Variants in LRP11 observed in about 807,000 individuals in gnomAD.
LRP11 encodes low-density lipoprotein receptor-related protein 11.
LRP11 carries 25 observed loss-of-function variants against 43.1 expected under a neutral mutation model. That is an observed-to-expected ratio of 0.58 (90% CI 0.42 to 0.81). The LOEUF (loss-of-function observed/expected upper bound fraction) is 0.81. Among genes scored for constraint, LRP11 ranks in the 30% least tolerant of loss-of-function variants. The pLI, the probability that LRP11 is intolerant of heterozygous loss-of-function variation, is 0.00. For synonymous variants in LRP11, 316 were observed against 299.4 expected (o/e 1.06, Z -0.57); for missense variants, 623 against 665.1 (o/e 0.94, Z 0.70).
chr6:149,836,296 C>T lies in LRP11; in HGVS notation c.1041G>A (p.Leu347=). The T allele has an allele frequency of 6.2e-7, 1 of 1,613,994 alleles. No individual in the cohort carries two copies. Among genetic ancestry groups the T allele is most frequent in the South Asian group, 1.1e-5 (1 of 91,064 alleles). The change falls in exon 5 of 7, where the codon CTG becomes CTA. Residue 347 remains leucine, a splice_region_variant and synonymous_variant. Coordinates refer to ENST00000239367, the MANE Select transcript of LRP11 (RefSeq NM_032832.6). ...DGSDEDFCQN[L]GLDRKMVTHT... ...GGGTTACCATCTTGCGGTCCAGGCC[C>T]ACTGAAGTGTGGAAGAGCTACTGTT...
At position 149,863,449 on chromosome 6, in the gene LRP11, T is replaced by C; in HGVS notation, c.572A>G (p.Asp191Gly). 1 of 1,323,826 alleles carries C rather than the reference T, an allele frequency of 7.6e-7. No individual in the cohort carries two copies. The highest frequency in any genetic ancestry group is 9.6e-7 in the Non-Finnish European group (1 of 1,045,156). 82.0% of individuals were successfully genotyped at this position (1,323,826 alleles called of 1,614,324 possible). The change falls in exon 1 of 7, where the codon GAC becomes GGC. Residue 191 changes from aspartate (D) to glycine (G), a missense_variant. Coordinates refer to ENST00000239367, the MANE Select transcript of LRP11 (RefSeq NM_032832.6). ...GCGCGCGGTGGCCAGGGCGGCGCCGTCCGGCGCGCGGCTGAGGCTGTAGCT... is the reference window on the plus strand; with the variant it reads ...GCGCGCGGTGGCCAGGGCGGCGCCGCCCGGCGCGCGGCTGAGGCTGTAGCT... ...YSSYSLSRAP[D>G]GAALATARAS...
At chr6:149,838,369 C>A (rs1776500047) in intron 3 of LRP11, among the ~76,000 whole-genome samples, 1 of 151,980 alleles carries the variant, frequency 6.6e-6, no homozygotes, top group African/African-American at 2.4e-5. Flanking sequence ...TAGTTATGGG[C>A]TGGCATGAAT....
chr6:149,859,867 CCTTT>C (rs1157494994), intron 1 of LRP11, among the ~76,000 whole-genome samples: 14 of 151,974 alleles, frequency 9.2e-5, no homozygotes, highest in Admixed American at 3.3e-4. Flanking sequence ...AAGTTTACTT[CCTTT>C]AAGTTTTTTT....
At chr6:149,842,920 A>G (rs1776570625) in intron 3 of LRP11, 63 bp downstream of exon 3, 1 of 1,595,032 alleles carries the variant, frequency 6.3e-7, no homozygotes, top group Non-Finnish European at 8.6e-7. Flanking sequence ...CCAGAGGACA[A>G]AGCGCCAACC....
chr6:149,863,666 G>T lies in LRP11; in HGVS notation c.355C>A (p.Arg119=), dbSNP rs898247037. The change falls in exon 1 of 7, where the codon CGG becomes AGG. Residue 119 remains arginine, a synonymous_variant. Transcript: ENST00000239367. ...CAGCCCCGCACGGCCGCCGGCGCCC[G>T]CAGGAAGCTGGCACCCGCCGCCAGG... ...DSLAAGASFL[R]APAAVRGWRQ... is the part of the protein sequence containing the mutation. The T allele has an allele frequency of 6.8e-7, 1 of 1,472,900 alleles. No homozygotes were observed. The highest frequency in any genetic ancestry group is 8.9e-7 in the Non-Finnish European group (1 of 1,118,806). The allele number at this position is 1,472,900 out of a possible 1,614,324, so 91.2% of individuals were successfully genotyped here.
At chr6:149,856,920 G>A (rs971068448) in intron 1 of LRP11, among the ~76,000 whole-genome samples, 1 of 152,074 alleles carries the variant, frequency 6.6e-6, no homozygotes, top group Non-Finnish European at 1.5e-5. Context: ...TCAGATACAT[G>A]CGGTCAAAAT....
chr6:149,857,958 T>C (rs899652657), intron 1 of LRP11, among the ~76,000 whole-genome samples: 7 of 152,214 alleles, frequency 4.6e-5, no homozygotes, highest in African/African-American at 1.4e-4. Flanking sequence ...GTAGGTATTA[T>C]CATCTGCATA....
At chr6:149,849,898 C>T (rs1776693735) in intron 2 of LRP11, among the ~76,000 whole-genome samples, 1 of 152,138 alleles carries the variant, frequency 6.6e-6, no homozygotes, top group African/African-American at 2.4e-5. Context: ...GGTTGAATAC[C>T]TGTCTGGGTC....
chr6:149,849,113 A>G (rs1776682870), intron 2 of LRP11, among the ~76,000 whole-genome samples: 1 of 152,228 alleles, frequency 6.6e-6, no homozygotes, highest in Non-Finnish European at 1.5e-5. Flanking sequence ...ATTATAGCAG[A>G]CCAAATGGAC....
intron 1 of LRP11, among the ~76,000 whole-genome samples, chr6:149,858,711 T>C (rs1471463004): frequency 6.6e-6 from 1 of 152,220 alleles, no homozygotes; most frequent in Non-Finnish European, 1.5e-5. Flanking sequence ...TATTGATATT[T>C]CTTCATATAT....
chr6:149,863,368 A>G, intron 1 of LRP11, 40 bp downstream of exon 1: 1 of 1,311,098 alleles, frequency 7.6e-7, no homozygotes, highest in Non-Finnish European at 9.7e-7. Context: ...GCGGGTCTCG[A>G]GCGCTCTGGC....
chr6:149,861,230 G>A (rs1776888128), intron 1 of LRP11, among the ~76,000 whole-genome samples: 1 of 152,102 alleles, frequency 6.6e-6, no homozygotes, highest in Non-Finnish European at 1.5e-5. Flanking sequence ...ATCTGAGCAG[G>A]GGACACACAG....
intron 5 of LRP11, among the ~76,000 whole-genome samples, chr6:149,833,087 C>T (rs1223832344): frequency 2.0e-5 from 3 of 152,144 alleles, no homozygotes; most frequent in Non-Finnish European, 4.4e-5. Context: ...GGATTACAAG[C>T]GTAAGCCACC....
At chr6:149,833,123 G>A (rs981342063) in intron 5 of LRP11, among the ~76,000 whole-genome samples, 1 of 151,936 alleles carries the variant, frequency 6.6e-6, no homozygotes, top group African/African-American at 2.4e-5. Flanking sequence ...ATTTTTAGTA[G>A]AGATGGGGTT....
At chr6:149,845,311 TACAG>T (rs1185188749) in intron 2 of LRP11, among the ~76,000 whole-genome samples, 1 of 152,178 alleles carries the variant, frequency 6.6e-6, no homozygotes, top group East Asian at 1.9e-4. Context: ...AATGACTCTT[TACAG>T]ACAAAGAAAC....
At chr6:149,856,312 T>A (rs7753340) in intron 1 of LRP11, among the ~76,000 whole-genome samples, 16,408 of 152,208 alleles carry the variant, frequency 0.11, 2,430 homozygotes, top group African/African-American at 0.34. Flanking sequence ...CTTACTTTTA[T>A]TTAGGTGAGC....
chr6:149,830,593 T>C (rs150682894), intron 5 of LRP11, among the ~76,000 whole-genome samples: 27 of 152,344 alleles, frequency 1.8e-4, no homozygotes, highest in African/African-American at 5.5e-4. Flanking sequence ...AGTAGAGAAA[T>C]TGGCTAACTG....
chr6:149,836,376 G>T, intron 4 of LRP11, 79 bp from the exon 5 acceptor site: 1 of 1,236,740 alleles, frequency 8.1e-7, no homozygotes, highest in Non-Finnish European at 1.2e-6. Flanking sequence ...ATCTGCAGCT[G>T]ATTTAAAATC....
chr6:149,853,097 C>T lies in LRP11; in HGVS notation c.677G>A (p.Gly226Glu), dbSNP rs1336289336. Residue 226 changes from glycine (G) to glutamate (E), a missense_variant, in exon 2 of 7, where the codon GGG becomes GAG. Gly to Glu is a moderately conservative substitution (Grantham distance 98). Transcript: ENST00000239367. ...GCTCTCGCGGCCGTCTAGAACCACC[C>T]CGTCTGTGGGCAGATGCAGAACCAC... ...QDVVLHLPTD[G>E]VVLDGRESTD... is the part of the protein sequence containing the mutation. 2 of 1,612,732 alleles carry T rather than the reference C, an allele frequency of 1.2e-6. No individual in the cohort carries two copies. The highest frequency in any genetic ancestry group is 2.2e-5 in the East Asian group (1 of 44,736).
Sources: gnomAD v4.1 joint callset for allele counts (sites outside exome capture counted in the v4.1 genomes callset) on GRCh38, gnomAD v4.1.1 for gene constraint, MANE v1.5 for transcripts, NCBI Gene and HGNC (gene_info 2026-07-23, HGNC 2026-07-21) for gene names.